CHD1: variants seen among roughly 807,000 people sequenced by gnomAD.
The protein encoded by CHD1 is chromodomain helicase DNA binding protein 1.
Under a neutral mutation model 224.2 loss-of-function variants are expected in CHD1, and 36 were observed. The ratio of observed to expected loss-of-function variants is 0.16; its 90% CI spans 0.12 to 0.21. CHD1 has a LOEUF of 0.21. Ranked by LOEUF, CHD1 falls within the 10% of genes least tolerant of loss-of-function variation. The pLI is 1.00. For missense variants in CHD1, 1,378 were observed against 1,994.8 expected, an observed-to-expected ratio of 0.69 and a Z score of 5.89; for synonymous variants, 668 against 658.3, an observed-to-expected ratio of 1.01 and a Z score of -0.23.
chr5:98,892,376 A>G (rs1382128557), intron 15 of CHD1, 149 bp downstream of exon 15: 2 of 494,778 alleles, frequency 4.0e-6, no homozygotes, highest in East Asian at 5.9e-5. Flanking sequence ...TTGCCTCCTA[A>G]CGACACAGAA....
chr5:98,867,795 G>GTTTTTTT (rs71619163), intron 31 of CHD1, among the ~76,000 whole-genome samples: 15 of 98,060 alleles, frequency 1.5e-4, no homozygotes, highest in East Asian at 3.0e-4. Context: ...TATCTTCCTT[G>GTTTTTTT]TTTTTTTTTT....
chr5:98,904,199 T>A (rs1580480084), intron 3 of CHD1, among the ~76,000 whole-genome samples: 1 of 152,272 alleles, frequency 6.6e-6, no homozygotes, highest in African/African-American at 2.4e-5. Flanking sequence ...GGTTACCTAT[T>A]TTATCAGTGT....
At chr5:98,884,789 T>A (rs538262859) in intron 18 of CHD1, among the ~76,000 whole-genome samples, 14 of 151,728 alleles carry the variant, frequency 9.2e-5, no homozygotes, top group African/African-American at 3.1e-4. Context: ...TGATCATGGC[T>A]CACCGCAGCC....
intron 10 of CHD1, among the ~76,000 whole-genome samples, chr5:98,897,904 C>G (rs745560743): frequency 6.6e-6 from 1 of 152,100 alleles, no homozygotes; most frequent in Non-Finnish European, 1.5e-5. Context: ...TCTCTAGTTT[C>G]CAAGGGTTTT....
At chr5:98,885,676 C>T in intron 17 of CHD1, 27 bp from the exon 18 acceptor site, 2 of 1,256,088 alleles carry the variant, frequency 1.6e-6, no homozygotes, top group Non-Finnish European at 1.1e-6. Flanking sequence ...TAAAATACTG[C>T]ATAAACAGAA....
At chr5:98,876,708 A>C (rs1561497155) in intron 23 of CHD1, 150 bp from the exon 24 acceptor site, 1 of 655,000 alleles carries the variant, frequency 1.5e-6, no homozygotes, top group Non-Finnish European at 2.6e-6. Flanking sequence ...CAAACAGAGA[A>C]AAATATATAC....
intron 31 of CHD1, among the ~76,000 whole-genome samples, chr5:98,864,990 G>A (rs979815354): frequency 1.3e-5 from 2 of 152,076 alleles, no homozygotes; most frequent in African/African-American, 4.8e-5. Flanking sequence ...TATGGAACCT[G>A]GACTCTAGTA....
Position 98,928,963 on chromosome 5 carries a change from A to G in CHD1, c.-573T>C. The G allele has an allele frequency of 6.5e-6, 1 of 153,408 alleles. No individual in the cohort carries two copies. Among genetic ancestry groups the G allele is most frequent in the South Asian group, 1.8e-4 (1 of 5,504 alleles). 9.5% of individuals were successfully genotyped at this position (153,408 alleles called of 1,614,324 possible). ...CGCCGTCGCCTCCGCCTCCCGCGCG[A>G]CGTAAGCGCCTCTGCTCACTCCCCT... is the stretch of plus-strand genomic sequence containing the variant. On this transcript the variant is annotated 5_prime_UTR_variant, in exon 1 of 36. Coordinates refer to ENST00000614616, the MANE Select transcript of CHD1 (RefSeq NM_001270.4).
At chr5:98,894,810 T>C (rs1751241369) in intron 12 of CHD1, 124 bp from the exon 13 acceptor site, 1 of 470,232 alleles carries the variant, frequency 2.1e-6, no homozygotes, top group African/African-American at 2.1e-5. Context: ...GTTTATGTAA[T>C]AAAAGAGTTT....
At position 98,869,622 on chromosome 5, in the gene CHD1, G is replaced by GCGCACACACA. The variant is rs1554074391; in HGVS notation, c.4107+131_4107+132insTGTGTGTGCG. On this transcript the variant is annotated intron_variant, in intron 30 of 35. Coordinates refer to ENST00000614616, the MANE Select transcript of CHD1 (RefSeq NM_001270.4). Reference sequence around the variant, plus strand: ...TATAAGTGCGTGCGCACGTGCGCGCGCACACACACACACACACACACACAC... The same window carrying GCGCACACACA: ...TATAAGTGCGTGCGCACGTGCGCGCGCGCACACACACACACACACACACACACACACACAC... 4.2e-4 allele frequency: 300 copies of GCGCACACACA among 718,056 alleles called. No homozygotes were observed. The African/African-American group carries it at 5.0e-3, about 12-fold the overall frequency. 44.5% of individuals were successfully genotyped at this position (718,056 alleles called of 1,614,324 possible). A position where few individuals can be genotyped will look rare whatever the true frequency, so the allele number is the denominator to read the frequency against.
chr5:98,922,738 C>G (rs188468408), intron 2 of CHD1, among the ~76,000 whole-genome samples: 46 of 152,282 alleles, frequency 3.0e-4, no homozygotes, highest in Admixed American at 2.9e-3. Context: ...CTGTAATCCC[C>G]AGTGCTTTGG....
intron 2 of CHD1, among the ~76,000 whole-genome samples, chr5:98,922,567 CAAAAGA>C (rs1561282273): frequency 1.3e-5 from 2 of 151,704 alleles, no homozygotes; most frequent in South Asian, 2.1e-4. Context: ...TAAACTTTCA[CAAAAGA>C]AAAAGGAAAT....
At chr5:98,868,301 T>G (rs1749054123) in intron 31 of CHD1, among the ~76,000 whole-genome samples, 194 bp downstream of exon 31, 1 of 134,792 alleles carries the variant, frequency 7.4e-6, no homozygotes, top group Non-Finnish European at 1.5e-5. Context: ...AACTCCAGCC[T>G]GGGCGACAGT....
At chr5:98,917,903 T>A (rs1046183666) in intron 2 of CHD1, among the ~76,000 whole-genome samples, 1 of 152,218 alleles carries the variant, frequency 6.6e-6, no homozygotes, top group African/African-American at 2.4e-5. Flanking sequence ...CTCAGTCATA[T>A]ATACAAGTTG....
At chr5:98,889,315 A>C in intron 15 of CHD1, 77 bp from the exon 16 acceptor site, 2 of 1,104,686 alleles carry the variant, frequency 1.8e-6, no homozygotes, top group Non-Finnish European at 2.5e-6. Context: ...TAAAACAAAC[A>C]AAAAAAGCCA....
At chr5:98,890,975 G>GAC (rs1750980957) in intron 15 of CHD1, among the ~76,000 whole-genome samples, 1 of 152,244 alleles carries the variant, frequency 6.6e-6, no homozygotes, top group Middle Eastern at 3.4e-3. Flanking sequence ...AATTTTTTGA[G>GAC]ACAACAGAGA....
At position 98,926,427 on chromosome 5, in the gene CHD1, C is replaced by A; in HGVS notation, c.-41G>T. On this transcript the variant is annotated 5_prime_UTR_variant, in exon 2 of 36. Coordinates refer to ENST00000614616, the MANE Select transcript of CHD1 (RefSeq NM_001270.4). Reference sequence around the variant, plus strand: ...AGAAGTTTTAAAGTAAAATATAAATCTTCCCAGTTTAAAAGATGAATATAA... The same window carrying A: ...AGAAGTTTTAAAGTAAAATATAAATATTCCCAGTTTAAAAGATGAATATAA... The A allele has an allele frequency of 8.9e-7, 1 of 1,124,660 alleles. No individual in the cohort carries two copies. The allele number at this position is 1,124,660 out of a possible 1,614,324, so 69.7% of individuals were successfully genotyped here.
At chr5:98,868,042 C>A (rs1749031137) in intron 31 of CHD1, among the ~76,000 whole-genome samples, 1 of 151,998 alleles carries the variant, frequency 6.6e-6, no homozygotes, top group African/African-American at 2.4e-5. Flanking sequence ...CTCAGGTGAT[C>A]CACTGCCTCG....
At position 98,866,016 on chromosome 5, in the gene CHD1, G is replaced by A. The variant is rs1480564006; in HGVS notation, c.4249-2430C>T. Among the ~76,000 whole-genome samples, 3 of 152,142 alleles carry A rather than the reference G, an allele frequency of 2.0e-5. No individual in the cohort carries two copies. The East Asian group carries it at 5.8e-4, about 29-fold the overall frequency. Reference sequence around the variant, plus strand: ...TTCATTAGTAGACCACATAGAGAAGGGGAAGTAGCTCCAGTGAAAAGTTTA... The same window carrying A: ...TTCATTAGTAGACCACATAGAGAAGAGGAAGTAGCTCCAGTGAAAAGTTTA... On this transcript the variant is annotated intron_variant, in intron 31 of 35. Transcript: ENST00000614616.
Sources: allele counts gnomAD v4.1 joint callset (sites outside exome capture counted in the v4.1 genomes callset), GRCh38; gene constraint gnomAD v4.1.1; transcripts MANE v1.5; gene names NCBI Gene and HGNC (gene_info 2026-07-23, HGNC 2026-07-21).